Variants in CHD1L observed in about 807,000 individuals in gnomAD.
The protein encoded by CHD1L is ATP-dependent chromatin remodeler CHD1L.
Under a neutral mutation model 115.9 loss-of-function variants are expected in CHD1L, and 118 were observed. The ratio of observed to expected loss-of-function variants is 1.02; its 90% CI spans 0.88 to 1.19. The LOEUF (loss-of-function observed/expected upper bound fraction) is 1.19. Among genes scored for constraint, CHD1L ranks in the 50% most tolerant of loss-of-function variants. The probability of loss-of-function intolerance (pLI) is 0.00; values close to 1 mark genes in which losing one functional copy is unlikely to be tolerated. For synonymous variants in CHD1L, 411 were observed against 387.1 expected, an observed-to-expected ratio of 1.06 and a Z score of -0.72; for missense variants, 1,179 against 1,065.3, an observed-to-expected ratio of 1.11 and a Z score of -1.49.
the CHD1L span, chr1:147,224,826 G>T: frequency 6.6e-7 from 1 of 1,506,668 alleles, no homozygotes; most frequent in Non-Finnish European, 9.2e-7. Context: ...ACACTGTTAA[G>T]ATAAACTGTC....
chr1:147,278,385 T>C (rs1259578164), intron 14 of CHD1L, among the ~76,000 whole-genome samples: 3 of 151,784 alleles, frequency 2.0e-5, no homozygotes, highest in East Asian at 2.0e-4. Flanking sequence ...CCACCACGCC[T>C]AGCTAATTTT....
chr1:147,203,213 C>G, the CHD1L span: 1 of 875,588 alleles, frequency 1.1e-6, no homozygotes, highest in Non-Finnish European at 1.8e-6. Context: ...GAAAACATCA[C>G]GCGATTCTTA....
chr1:147,284,035 C>T (rs1316219415), intron 15 of CHD1L, among the ~76,000 whole-genome samples: 3 of 152,066 alleles, frequency 2.0e-5, no homozygotes, highest in African/African-American at 4.8e-5. Context: ...GTGAGATTTG[C>T]GCTGAGGGAT....
chr1:147,242,508 C>A (rs1053720684), upstream of CHD1L: 2 of 483,950 alleles, frequency 4.1e-6, no homozygotes, highest in Non-Finnish European at 6.5e-6. Context: ...AGCCCTTCCA[C>A]GCTCCGCACT....
At position 147,249,404 on chromosome 1, in the gene CHD1L, A is replaced by ATTTTTT. The variant is rs59773572; in HGVS notation, c.128-3204_128-3199dup. ...TTAATAATTACATATCTTGGTGTGTATTTTTTTTTTTTTTTTTTTTGAGAT... is the reference window on the plus strand; with the variant it reads ...TTAATAATTACATATCTTGGTGTGTATTTTTTTTTTTTTTTTTTTTTTTTTTGAGAT... On this transcript the variant is annotated intron_variant, in intron 1 of 22. Transcript: ENST00000369258. 6.6e-3 allele frequency among the ~76,000 whole-genome samples: 617 copies of ATTTTTT among 94,154 alleles called. 48 individuals are homozygous for ATTTTTT. Among genetic ancestry groups the ATTTTTT allele is most frequent in the East Asian group, 9.5e-3 (29 of 3,064 alleles). 61.8% of individuals were successfully genotyped at this position (94,154 alleles called of 152,430 possible). A position where few individuals can be genotyped will look rare whatever the true frequency, so the allele number is the denominator to read the frequency against.
At chr1:147,229,634 C>T in the CHD1L span, among the ~76,000 whole-genome samples, 4 of 152,110 alleles carry the variant, frequency 2.6e-5, no homozygotes, top group East Asian at 5.8e-4. Context: ...ATTCTTCCTA[C>T]CCATGAGCAT....
intron 1 of CHD1L, among the ~76,000 whole-genome samples, chr1:147,244,860 A>G (rs1057064147): frequency 4.6e-5 from 7 of 152,080 alleles, no homozygotes; most frequent in Admixed American, 4.6e-4. Context: ...TATTATAGGT[A>G]TGGACGTTTA....
At chr1:147,248,368 C>T (rs958592366) in intron 1 of CHD1L, among the ~76,000 whole-genome samples, 1 of 152,024 alleles carries the variant, frequency 6.6e-6, no homozygotes, top group South Asian at 2.1e-4. Flanking sequence ...GCCACCATAC[C>T]CGGCTAATTT....
At chr1:147,184,345 T>C in the CHD1L span, 1 of 840,320 alleles carries the variant, frequency 1.2e-6, no homozygotes, top group East Asian at 3.3e-5. The surrounding 1 kb of genome is among the most constrained non-coding windows in gnomAD (Gnocchi z 4.4). Context: ...CATTTTACAT[T>C]CCTCTGGTAC....
intron 6 of CHD1L, among the ~76,000 whole-genome samples, chr1:147,264,183 A>G (rs1339968505): frequency 6.6e-6 from 1 of 152,192 alleles, no homozygotes; most frequent in Non-Finnish European, 1.5e-5. Context: ...CTACATCCTT[A>G]TATAAGTGTT....
Position 147,272,227 on chromosome 1 carries a change from A to G in CHD1L, c.1216A>G (p.Ile406Val), listed in dbSNP as rs1553953881. 5.0e-6 allele frequency: 8 copies of G among 1,614,080 alleles called. No homozygotes were observed. Among genetic ancestry groups the G allele is most frequent in the Non-Finnish European group, 6.8e-6 (8 of 1,180,014 alleles). Residue 406 changes from isoleucine (I) to valine (V), a missense_variant, in exon 12 of 23, where the codon ATT becomes GTT. Physicochemically the swap from Ile to Val is conservative, Grantham distance 29 (BLOSUM62 3). Transcript: ENST00000369258. Reference protein sequence around the residue: ...SVRGEERHLAIKNFGQQPIFV... With the variant: ...SVRGEERHLAVKNFGQQPIFV... ...GAGAGGAGAAGAGAGACACTTGGCC[A>G]TTAAGAACTTTGGACAGCAGCCCAT...
the CHD1L span, chr1:147,209,809 T>C: frequency 1.3e-5 from 2 of 152,192 alleles, no homozygotes; most frequent in East Asian, 1.9e-4. Flanking sequence ...AATCATGTAC[T>C]GGTAAAGTTG....
chr1:147,190,111 C>T, the CHD1L span: 12 of 1,101,158 alleles, frequency 1.1e-5, no homozygotes, highest in East Asian at 2.4e-5. Context: ...AAATACAGTA[C>T]AATATTTCTT....
At chr1:147,294,624 GTCTTTACTTTCCCCCTCT>G in intron 22 of CHD1L, 107 bp downstream of exon 22, 1 of 766,430 alleles carries the variant, frequency 1.3e-6, no homozygotes, top group East Asian at 2.8e-5. Context: ...TCCTGCCACA[GTCTTTACTTTCCCCCTCT>G]TCAGTGAGAC....
the CHD1L span, chr1:147,187,118 G>A: frequency 1.2e-6 from 2 of 1,614,102 alleles, no homozygotes; most frequent in Non-Finnish European, 1.7e-6. Flanking sequence ...AGTAATAAGT[G>A]TAATGCCAGC....
intron 19 of CHD1L, 104 bp downstream of exon 19, chr1:147,287,837 T>C: frequency 1.1e-6 from 1 of 928,554 alleles, no homozygotes; most frequent in Non-Finnish European, 1.6e-6. Flanking sequence ...GGAATTAGAA[T>C]AACCAGTTGG....
At chr1:147,204,898 G>T in the CHD1L span, 2 of 1,582,674 alleles carry the variant, frequency 1.3e-6, no homozygotes, top group East Asian at 2.2e-5. Context: ...GAGCATCTGG[G>T]CGAAGCCCGG....
the CHD1L span, among the ~76,000 whole-genome samples, chr1:147,232,977 G>A: frequency 9.9e-5 from 15 of 152,188 alleles, no homozygotes; most frequent in African/African-American, 3.6e-4. Flanking sequence ...GGGACATGAG[G>A]AGCCCCTCTG....
chr1:147,197,664 A>C, the CHD1L span, among the ~76,000 whole-genome samples: 9 of 152,092 alleles, frequency 5.9e-5, no homozygotes, highest in African/African-American at 2.2e-4. Flanking sequence ...TTCTGCCATG[A>C]TTGTAAGTTT....
Sources: allele counts gnomAD v4.1 joint callset (sites outside exome capture counted in the v4.1 genomes callset), GRCh38; gene constraint gnomAD v4.1.1; non-coding constraint Gnocchi (gnomAD v3.1); transcripts MANE v1.5; gene names NCBI Gene and HGNC (gene_info 2026-07-23, HGNC 2026-07-21).